The following CDKAL1 variants were observed in gnomAD, a reference collection of about 807,000 sequenced individuals.
CDKAL1 encodes threonylcarbamoyladenosine tRNA methylthiotransferase.
A neutral mutation model predicts 68.2 loss-of-function variants in CDKAL1; 32 were observed. The ratio of observed to expected loss-of-function variants is 0.47; its 90% CI spans 0.35 to 0.63. The LOEUF is 0.63. Ranked by LOEUF, CDKAL1 falls within the 30% of genes least tolerant of loss-of-function variation. The pLI is 0.00. For missense variants in CDKAL1, 606 were observed against 696.7 expected (o/e 0.87, Z 1.47); for synonymous variants, 234 against 244.3 (o/e 0.96, Z 0.39).
chr6:20,542,666 T>C (rs1480209408), intron 2 of CDKAL1, among the ~76,000 whole-genome samples: 1 of 152,226 alleles, frequency 6.6e-6, no homozygotes, highest in Non-Finnish European at 1.5e-5. Flanking sequence ...TTGTACACTT[T>C]ACCCAGGTCT....
At chr6:20,628,217 G>A (rs1245535271) in intron 4 of CDKAL1, among the ~76,000 whole-genome samples, 1 of 152,082 alleles carries the variant, frequency 6.6e-6, no homozygotes, top group Non-Finnish European at 1.5e-5. Context: ...TAAGTCTGAT[G>A]TTACCTCTGG....
chr6:20,567,270 G>A (rs972207362), intron 4 of CDKAL1, among the ~76,000 whole-genome samples: 4 of 150,570 alleles, frequency 2.7e-5, no homozygotes, highest in Admixed American at 6.6e-5. Context: ...TTTCACAAAC[G>A]TCTCTGTGCC....
chr6:21,100,699 A>AT (rs5874801), intron 12 of CDKAL1, among the ~76,000 whole-genome samples: 101,915 of 151,620 alleles, frequency 0.67, 34,550 homozygotes, highest in South Asian at 0.8. Flanking sequence ...ATTTTGGGGT[A>AT]TTTTTTTTAT....
At chr6:21,003,367 T>C (rs868056364) in intron 11 of CDKAL1, among the ~76,000 whole-genome samples, 64 of 65,644 alleles carry the variant, frequency 9.7e-4, no homozygotes, top group African/African-American at 5.2e-3. Context: ...TATATATATA[T>C]ATATACACAC....
At chr6:20,869,405 T>G (rs1190908899) in intron 9 of CDKAL1, among the ~76,000 whole-genome samples, 1 of 152,208 alleles carries the variant, frequency 6.6e-6, no homozygotes, top group African/African-American at 2.4e-5. Context: ...AAAGAGTAAA[T>G]AGTAAACCAC....
chr6:21,131,384 T>A (rs549765470), intron 13 of CDKAL1, among the ~76,000 whole-genome samples: 1 of 152,258 alleles, frequency 6.6e-6, no homozygotes, highest in Admixed American at 6.5e-5. Flanking sequence ...CCATTACATC[T>A]AGTTCTAAAA....
intron 4 of CDKAL1, among the ~76,000 whole-genome samples, chr6:20,593,346 GA>G (rs1765675462): frequency 6.6e-6 from 1 of 152,086 alleles, no homozygotes; most frequent in Non-Finnish European, 1.5e-5. Context: ...CTCAATTTCA[GA>G]ACTTGTTATT....
intron 12 of CDKAL1, among the ~76,000 whole-genome samples, chr6:21,091,004 C>T (rs1004788419): frequency 6.6e-6 from 1 of 152,014 alleles, no homozygotes; most frequent in South Asian, 2.1e-4. Flanking sequence ...ACACTATTGC[C>T]CCAGCTGGTC....
At chr6:20,683,160 A>G (rs1294743988) in intron 5 of CDKAL1, among the ~76,000 whole-genome samples, 2 of 152,014 alleles carry the variant, frequency 1.3e-5, no homozygotes, top group Non-Finnish European at 2.9e-5. Context: ...AGGTACTTTT[A>G]TATACTTTGT....
chr6:20,599,446 GT>G, intron 4 of CDKAL1: 2 of 430,322 alleles, frequency 4.6e-6, no homozygotes, highest in Non-Finnish European at 9.3e-6. Flanking sequence ...TTCTGGAACT[GT>G]TTTTGTTTGA....
At chr6:21,151,968 A>G (rs899499941) in intron 13 of CDKAL1, among the ~76,000 whole-genome samples, 1 of 152,114 alleles carries the variant, frequency 6.6e-6, no homozygotes, top group Non-Finnish European at 1.5e-5. Context: ...CTCTGATTCT[A>G]CTTGCTCCAT....
intron 8 of CDKAL1, among the ~76,000 whole-genome samples, chr6:20,798,587 A>G (rs1479584003): frequency 1.4e-4 from 21 of 152,174 alleles, no homozygotes; most frequent in Admixed American, 1.4e-3. Flanking sequence ...GCAGCCATAA[A>G]AAATGATGAG....
chr6:21,069,804 T>TTTTTTTTTTTTTTA (rs60342057), intron 12 of CDKAL1, among the ~76,000 whole-genome samples: 1 of 85,476 alleles, frequency 1.2e-5, no homozygotes, highest in African/African-American at 4.1e-5. Context: ...TTTTTTTTTT[T>TTTTTTTTTTTTTTA]AAAACAGAGC....
At chr6:20,732,794 G>T (rs541586135) in intron 5 of CDKAL1, among the ~76,000 whole-genome samples, 2 of 151,728 alleles carry the variant, frequency 1.3e-5, no homozygotes, top group Non-Finnish European at 2.9e-5. Context: ...TTACTTTTCC[G>T]CCCTTCATTT....
chr6:20,938,765 C>A (rs575061246), intron 9 of CDKAL1, among the ~76,000 whole-genome samples: 1 of 151,946 alleles, frequency 6.6e-6, no homozygotes, highest in African/African-American at 2.4e-5. Flanking sequence ...ATTTTTACAA[C>A]CTTTTTTTTT....
chr6:21,218,534 A>G (rs1000938484), intron 15 of CDKAL1, among the ~76,000 whole-genome samples: 2 of 152,240 alleles, frequency 1.3e-5, no homozygotes, highest in Non-Finnish European at 2.9e-5. Flanking sequence ...TGAAGGCCCA[A>G]CTGGGGAGGA....
chr6:20,975,484 A>G (rs1765800423), intron 10 of CDKAL1, among the ~76,000 whole-genome samples: 1 of 152,224 alleles, frequency 6.6e-6, no homozygotes, highest in Non-Finnish European at 1.5e-5. Flanking sequence ...CATATGCTTC[A>G]TGTATATGCT....
At chr6:20,807,369 G>A (rs1290130251) in intron 8 of CDKAL1, among the ~76,000 whole-genome samples, 2 of 152,064 alleles carry the variant, frequency 1.3e-5, no homozygotes, top group African/African-American at 2.4e-5. Context: ...CACTACAGGC[G>A]CATGCCACCA....
rs576656865 is a variant in CDKAL1 at position 21,118,952 on chromosome 6, C to T, written c.1299+10489C>T. ...AATCTCGAATTCAGTTTAGGCTTTG[C>T]GGGTGGCAGTGGAGGGTGTCTTTTT... On this transcript the variant is annotated intron_variant, in intron 13 of 15. Transcript: ENST00000274695. Among the ~76,000 whole-genome samples, 109 of 152,276 alleles carry T rather than the reference C, an allele frequency of 7.2e-4. 1 individual carries two copies. The Middle Eastern group carries it at 0.01, about 14-fold the overall frequency.
Sources: gnomAD v4.1 joint callset for allele counts (sites outside exome capture counted in the v4.1 genomes callset) on GRCh38, gnomAD v4.1.1 for gene constraint, MANE v1.5 for transcripts, NCBI Gene and HGNC (gene_info 2026-07-23, HGNC 2026-07-21) for gene names.